Variants in RELL1 observed in about 807,000 individuals in gnomAD.
RELL1 encodes the protein RELT like 1.
Under a neutral mutation model 23.0 loss-of-function variants are expected in RELL1, and 10 were observed. The observed-to-expected ratio is 0.43, with a 90% CI of 0.27 to 0.74. RELL1 has a LOEUF of 0.74. RELL1 is among the 30% of genes least tolerant of loss of function. RELL1 has a pLI of 0.19. For missense variants in RELL1, 315 were observed against 364.4 expected (o/e 0.86, Z 1.10); for synonymous variants, 146 against 146.8 (o/e 0.99, Z 0.04).
At chr4:37,618,972 C>A (rs369926984) in intron 6 of RELL1, among the ~76,000 whole-genome samples, 1 of 152,072 alleles carries the variant, frequency 6.6e-6, no homozygotes, top group African/African-American at 2.4e-5. Flanking sequence ...CTCCGCCTCC[C>A]GGGTTCAAGT....
At chr4:37,664,666 T>C (rs1462567063) in intron 1 of RELL1, among the ~76,000 whole-genome samples, 1 of 152,062 alleles carries the variant, frequency 6.6e-6, no homozygotes, top group Non-Finnish European at 1.5e-5. Context: ...CAGTACAAGA[T>C]ATAAAAGTTC....
At chr4:37,647,521 A>C in intron 2 of RELL1, 82 bp from the exon 3 acceptor site, 3 of 924,726 alleles carry the variant, frequency 3.2e-6, no homozygotes, top group Non-Finnish European at 3.5e-6. Flanking sequence ...CCAAGACCTC[A>C]CTGAACAGTT....
At chr4:37,651,482 T>C (rs1040893724) in intron 1 of RELL1, among the ~76,000 whole-genome samples, 11 of 152,176 alleles carry the variant, frequency 7.2e-5, no homozygotes, top group African/African-American at 2.7e-4. Context: ...AACCCAGAAA[T>C]TGGAAAGCTA....
At chr4:37,672,394 A>G (rs1721863334) in intron 1 of RELL1, among the ~76,000 whole-genome samples, 1 of 152,172 alleles carries the variant, frequency 6.6e-6, no homozygotes, top group African/African-American at 2.4e-5. Context: ...TATTTTTAGG[A>G]GTCCCAGGAA....
chr4:37,612,158 C>A lies in RELL1; in HGVS notation c.*1188G>T. On this transcript the variant is annotated 3_prime_UTR_variant, in exon 7 of 7. Transcript: ENST00000454158. ...TGCCACTGCACTCCAGCCTGGGCGA[C>A]AGAGCGAGACTCCGCCTCAAAAAAA... Among the ~76,000 whole-genome samples the A allele has an allele frequency of 8.9e-6, 1 of 112,740 alleles. No individual in the cohort carries two copies. 74.0% of individuals were successfully genotyped at this position (112,740 alleles called of 152,430 possible). A position where few individuals can be genotyped will look rare whatever the true frequency, so the allele number is the denominator to read the frequency against.
chr4:37,622,798 G>GTTTTTTTTTTTTT, intron 6 of RELL1: 2 of 418,314 alleles, frequency 4.8e-6, no homozygotes, highest in Non-Finnish European at 4.7e-6. Context: ...CTCAAGTAAT[G>GTTTTTTTTTTTTT]CTTTTTTTTT....
At chr4:37,601,831 A>G (rs1206468124) in intron 6 of RELL1, among the ~76,000 whole-genome samples, 1 of 152,066 alleles carries the variant, frequency 6.6e-6, no homozygotes, top group East Asian at 1.9e-4. Context: ...AATGACAGAA[A>G]CCCAAACTAG....
downstream of RELL1, chr4:37,588,670 A>T (rs1357258824): frequency 1.4e-5 from 8 of 561,032 alleles, no homozygotes; most frequent in Non-Finnish European, 2.6e-5. Context: ...GCGGTGATGG[A>T]AATGGGGTAT....
At chr4:37,638,853 G>A (rs144519628) in intron 3 of RELL1, among the ~76,000 whole-genome samples, 72 of 152,310 alleles carry the variant, frequency 4.7e-4, no homozygotes, top group African/African-American at 1.5e-3. Context: ...TTTATATGCC[G>A]CTGCTCCCTT....
chr4:37,673,219 T>C (rs1721904099), intron 1 of RELL1, among the ~76,000 whole-genome samples: 1 of 82,284 alleles, frequency 1.2e-5, no homozygotes, highest in African/African-American at 4.5e-5. Context: ...AGACAGGGTT[T>C]CACTCTGTAG....
downstream of RELL1, chr4:37,590,356 A>G (rs145167191): frequency 6.2e-7 from 1 of 1,613,766 alleles, no homozygotes; most frequent in Non-Finnish European, 8.5e-7. Context: ...TGTCAACGGC[A>G]TCGGCCCTGC....
intron 1 of RELL1, among the ~76,000 whole-genome samples, chr4:37,666,716 C>G (rs930708806): frequency 6.6e-6 from 1 of 152,130 alleles, no homozygotes; most frequent in Non-Finnish European, 1.5e-5. Flanking sequence ...GAGCAGCGAC[C>G]ACACAGCACT....
chr4:37,677,461 G>A (rs1479437950), intron 1 of RELL1, among the ~76,000 whole-genome samples: 1 of 152,198 alleles, frequency 6.6e-6, no homozygotes, highest in African/African-American at 2.4e-5. Flanking sequence ...AAAGAGCCAC[G>A]AGAAGATGAA....
chr4:37,659,464 C>T (rs942036607), intron 1 of RELL1, among the ~76,000 whole-genome samples: 23 of 152,118 alleles, frequency 1.5e-4, no homozygotes, highest in South Asian at 2.1e-4. Context: ...GACAGAATGG[C>T]GGGGAAATGG....
intron 1 of RELL1, among the ~76,000 whole-genome samples, chr4:37,652,714 G>A (rs1720991886): frequency 1.3e-5 from 2 of 152,202 alleles, no homozygotes; most frequent in East Asian, 3.9e-4. Flanking sequence ...AATTTGACAT[G>A]TGGCAACCCC....
At chr4:37,652,789 T>C (rs1026370819) in intron 1 of RELL1, among the ~76,000 whole-genome samples, 2 of 152,176 alleles carry the variant, frequency 1.3e-5, no homozygotes, top group Non-Finnish European at 2.9e-5. Flanking sequence ...CTTAATTTCA[T>C]AATTATCGTG....
rs773578768 is a variant in RELL1, at chr4:37,686,224, C to T, written c.64G>A (p.Val22Met). 5.7e-6 allele frequency: 9 copies of T among 1,580,538 alleles called. No individual in the cohort carries two copies. The highest frequency in any genetic ancestry group is 3.4e-6 in the Non-Finnish European group (4 of 1,171,616). ...LAAAVFVGGA[V>M]SSPLVAPDNG... ...CCCGGAGCCACCAGCGGCGAACTCA[C>T]GGCGCCTCCCACGAAGACAGCAGCG... Residue 22 changes from valine (V) to methionine (M), a missense_variant, in exon 1 of 7, where the codon GTG becomes ATG. Val to Met is a conservative substitution (Grantham distance 21). Coordinates refer to ENST00000454158, the MANE Select transcript of RELL1 (RefSeq NM_001085400.2).
At chr4:37,616,158 GTAC>G (rs138051468) in intron 6 of RELL1, among the ~76,000 whole-genome samples, 2,746 of 152,244 alleles carry the variant, frequency 0.018, 96 homozygotes, top group African/African-American at 0.063. Context: ...TCTGTGCCAG[GTAC>G]TGTCATGCTA....
At position 37,630,359 on chromosome 4, in the gene RELL1, T is replaced by TG. The variant is rs1471808632; in HGVS notation, c.*3+1025_*3+1026insC. Among the ~76,000 whole-genome samples, 186 of 104,912 alleles carry TG rather than the reference T, an allele frequency of 1.8e-3. 1 individual carries two copies. The highest frequency in any genetic ancestry group is 5.7e-3 in the African/African-American group (179 of 31,584). 68.8% of individuals were successfully genotyped at this position (104,912 alleles called of 152,430 possible). On this transcript the variant is annotated intron_variant, in intron 6 of 6. Coordinates refer to ENST00000454158, the MANE Select transcript of RELL1 (RefSeq NM_001085400.2). ...GGTTCTGGTGCGTGTGTGTGTGGTT[T>TG]TTTTTTTTTTTTTTTTTTTTTTTGA...
Sources: gnomAD v4.1 joint callset for allele counts (sites outside exome capture counted in the v4.1 genomes callset) on GRCh38, gnomAD v4.1.1 for gene constraint, MANE v1.5 for transcripts, NCBI Gene and HGNC (gene_info 2026-07-23, HGNC 2026-07-21) for gene names.